The following UBTD1 variants were observed in gnomAD, a reference collection of about 807,000 sequenced individuals.
The protein encoded by UBTD1 is ubiquitin domain containing 1, also known as ubiquitin domain-containing protein 1.
In UBTD1, 19 loss-of-function variants were observed where a neutral mutation model predicts 21.7. The ratio of observed to expected loss-of-function variants is 0.87; its 90% CI spans 0.61 to 1.28. The LOEUF is 1.28. Ranked by LOEUF, UBTD1 falls within the 50% of genes most tolerant of loss-of-function variation. The pLI is 0.00. For missense variants in UBTD1, 282 were observed against 315.1 expected (o/e 0.89, Z 0.80); for synonymous variants, 116 against 135.1 (o/e 0.86, Z 0.98).
chr10:97,553,509 G>A (rs1027837626), intron 1 of UBTD1, among the ~76,000 whole-genome samples: 3 of 152,164 alleles, frequency 2.0e-5, no homozygotes, highest in Non-Finnish European at 2.9e-5. Context: ...TTCCTTTTCT[G>A]TGTTTGTCTG....
chr10:97,563,457 G>C (rs1222594965), intron 1 of UBTD1, among the ~76,000 whole-genome samples: 1 of 152,204 alleles, frequency 6.6e-6, no homozygotes, highest in South Asian at 2.1e-4. Flanking sequence ...GAAATGGCTA[G>C]GAGAGAGTGA....
chr10:97,542,709 TG>T (rs2040592369), intron 1 of UBTD1, among the ~76,000 whole-genome samples: 2 of 152,204 alleles, frequency 1.3e-5, no homozygotes, highest in Admixed American at 6.5e-5. Context: ...TGCCCTCTCC[TG>T]TCTATAAAGT....
At chr10:97,537,170 G>A (rs1392494508) in intron 1 of UBTD1, among the ~76,000 whole-genome samples, 1 of 152,150 alleles carries the variant, frequency 6.6e-6, no homozygotes, top group African/African-American at 2.4e-5. Context: ...TGCCCGGCAG[G>A]ATCTTAAACA....
At chr10:97,562,759 T>G (rs2040698813) in intron 1 of UBTD1, among the ~76,000 whole-genome samples, 1 of 152,232 alleles carries the variant, frequency 6.6e-6, no homozygotes, top group South Asian at 2.1e-4. Flanking sequence ...TCACTTCTTT[T>G]GTAGATCTTC....
At chr10:97,506,877 A>G (rs2040401785) in intron 1 of UBTD1, among the ~76,000 whole-genome samples, 2 of 152,200 alleles carry the variant, frequency 1.3e-5, no homozygotes, top group African/African-American at 4.8e-5. Flanking sequence ...CATTGTATGT[A>G]TATACCACAT....
At chr10:97,502,384 A>T (rs1368304841) in intron 1 of UBTD1, among the ~76,000 whole-genome samples, 4 of 152,192 alleles carry the variant, frequency 2.6e-5, no homozygotes, top group African/African-American at 9.7e-5. Context: ...ACAAGGACAT[A>T]GTTTTACGTT....
At position 97,570,546 on chromosome 10, in the gene UBTD1, G is replaced by T. The variant is rs1268430121; in HGVS notation, c.*23G>T. Reference sequence around the variant, plus strand: ...TGATGGGCCCACGGACCCCTGGGAAGAGGCCCCGCCTGGAGCACTAGGCCC... The same window carrying T: ...TGATGGGCCCACGGACCCCTGGGAATAGGCCCCGCCTGGAGCACTAGGCCC... On this transcript the variant is annotated 3_prime_UTR_variant, in exon 3 of 3. Coordinates refer to ENST00000370664, the MANE Select transcript of UBTD1 (RefSeq NM_024954.5). The surrounding 1 kb of genome is among the most constrained non-coding windows in gnomAD (Gnocchi z 6.6). 1.3e-6 allele frequency: 2 copies of T among 1,571,780 alleles called. No homozygotes were observed. The highest frequency in any genetic ancestry group is 2.3e-5 in the South Asian group (2 of 86,190).
At chr10:97,539,943 G>A (rs1410197001) in intron 1 of UBTD1, among the ~76,000 whole-genome samples, 1 of 148,310 alleles carries the variant, frequency 6.7e-6, no homozygotes, top group Non-Finnish European at 1.5e-5. Flanking sequence ...GCAGCCCGAG[G>A]CCCTTCCAAA....
chr10:97,535,639 A>T (rs571905630), intron 1 of UBTD1, among the ~76,000 whole-genome samples: 29 of 152,266 alleles, frequency 1.9e-4, no homozygotes, highest in African/African-American at 6.3e-4. Context: ...AAAAGAAAAA[A>T]AAATTACTTG....
rs778977721 is a variant in UBTD1, at chr10:97,570,543, G to C, written c.*20G>C. The C allele has an allele frequency of 6.4e-7, 1 of 1,574,648 alleles. No homozygotes were observed. The highest frequency in any genetic ancestry group is 1.3e-5 in the African/African-American group (1 of 74,230). On this transcript the variant is annotated 3_prime_UTR_variant, in exon 3 of 3. Transcript: ENST00000370664. The surrounding 1 kb of genome is among the most constrained non-coding windows in gnomAD (Gnocchi z 6.6). ...GACTGATGGGCCCACGGACCCCTGGGAAGAGGCCCCGCCTGGAGCACTAGG... is the reference window on the plus strand; with the variant it reads ...GACTGATGGGCCCACGGACCCCTGGCAAGAGGCCCCGCCTGGAGCACTAGG...
chr10:97,528,949 C>T (rs1229169243), intron 1 of UBTD1, among the ~76,000 whole-genome samples: 3 of 141,378 alleles, frequency 2.1e-5, no homozygotes, highest in African/African-American at 3.1e-5. Context: ...CGGGGGCTGA[C>T]CCCCACCTCC....
At chr10:97,507,149 T>C (rs1281337222) in intron 1 of UBTD1, among the ~76,000 whole-genome samples, 1 of 152,256 alleles carries the variant, frequency 6.6e-6, no homozygotes, top group East Asian at 1.9e-4. Flanking sequence ...ACCAACAGGG[T>C]GCAAGAGTTC....
chr10:97,556,156 A>G (rs1460271953), intron 1 of UBTD1, among the ~76,000 whole-genome samples: 2 of 152,256 alleles, frequency 1.3e-5, no homozygotes, highest in Non-Finnish European at 2.9e-5. Flanking sequence ...TATTACTATT[A>G]TTACTCTTAT....
At chr10:97,517,160 C>T (rs530213311) in intron 1 of UBTD1, among the ~76,000 whole-genome samples, 9 of 152,224 alleles carry the variant, frequency 5.9e-5, no homozygotes, top group South Asian at 4.1e-4. Flanking sequence ...GTATGGAAGA[C>T]GCTTTCAAGA....
intron 1 of UBTD1, among the ~76,000 whole-genome samples, chr10:97,506,523 G>A (rs2040400368): frequency 2.0e-5 from 3 of 151,434 alleles, no homozygotes; most frequent in Admixed American, 2.0e-4. Flanking sequence ...TTACTTGTAT[G>A]TAACAGCAAA....
At chr10:97,557,267 G>C (rs538926371) in intron 1 of UBTD1, among the ~76,000 whole-genome samples, 1 of 152,272 alleles carries the variant, frequency 6.6e-6, no homozygotes, top group East Asian at 1.9e-4. Context: ...ACTGTTTCTG[G>C]AGAGCGTTTT....
intron 1 of UBTD1, among the ~76,000 whole-genome samples, chr10:97,505,789 A>C (rs1394595961): frequency 6.6e-6 from 1 of 152,214 alleles, no homozygotes; most frequent in Non-Finnish European, 1.5e-5. Context: ...CCTGGATGAA[A>C]AGAGATTTTG....
chr10:97,554,272 A>T (rs564094476), intron 1 of UBTD1, among the ~76,000 whole-genome samples: 28 of 123,250 alleles, frequency 2.3e-4, no homozygotes, highest in African/African-American at 6.8e-4. Flanking sequence ...TCTGAGATGG[A>T]GTCTCACTCT....
chr10:97,512,283 C>CG (rs1468807896), intron 1 of UBTD1, among the ~76,000 whole-genome samples: 1 of 152,158 alleles, frequency 6.6e-6, no homozygotes, highest in African/African-American at 2.4e-5. Context: ...AGGCAGTTCC[C>CG]GGGGGGACAG....
Sources: gnomAD v4.1 joint callset for allele counts (sites outside exome capture counted in the v4.1 genomes callset) on GRCh38, gnomAD v4.1.1 for gene constraint, Gnocchi (gnomAD v3.1) non-coding constraint, MANE v1.5 for transcripts, NCBI Gene and HGNC (gene_info 2026-07-23, HGNC 2026-07-21) for gene names.